Variants in PRSS23 observed in about 807,000 individuals in gnomAD.
PRSS23 encodes protease, serine 23.
PRSS23 carries 25 observed loss-of-function variants against 34.7 expected under a neutral mutation model. That is an observed-to-expected ratio of 0.72 (90% CI 0.53 to 1.01). The LOEUF (loss-of-function observed/expected upper bound fraction) is 1.01, where lower values mean the gene tolerates loss of function less well. Ranked by LOEUF, PRSS23 falls within the 50% of genes least tolerant of loss-of-function variation. PRSS23 has a pLI of 0.00. For synonymous variants in PRSS23, 176 were observed against 186.6 expected (o/e 0.94, Z 0.46); for missense variants, 445 against 475.6 (o/e 0.94, Z 0.60).
chr11:86,832,193 A>C (rs1195947339), intron 2 of PRSS23, among the ~76,000 whole-genome samples: 1 of 152,066 alleles, frequency 6.6e-6, no homozygotes, highest in Non-Finnish European at 1.5e-5. Context: ...TATCGTAGGG[A>C]GATATAATTC....
intron 2 of PRSS23, among the ~76,000 whole-genome samples, chr11:86,865,645 G>A (rs1948644928): frequency 6.6e-6 from 1 of 152,158 alleles, no homozygotes; most frequent in Non-Finnish European, 1.5e-5. Context: ...GCAGGTTTAT[G>A]CTCATCCACT....
At chr11:86,952,719 A>T (rs1949305448) in exon 3 of PRSS23, 1 of 413,942 alleles carries the variant, frequency 2.4e-6, no homozygotes, top group Non-Finnish European at 4.4e-6. Flanking sequence ...AATAAATAAA[A>T]TAAATAGGGT....
At chr11:86,868,089 G>A (rs1948662540) in intron 2 of PRSS23, among the ~76,000 whole-genome samples, 2 of 152,098 alleles carry the variant, frequency 1.3e-5, no homozygotes, top group Non-Finnish European at 1.5e-5. Context: ...GAAGCCTAGG[G>A]GACATGGGAG....
chr11:86,853,942 T>C (rs1948549982), intron 2 of PRSS23, among the ~76,000 whole-genome samples: 1 of 152,182 alleles, frequency 6.6e-6, no homozygotes, highest in Admixed American at 6.5e-5. Flanking sequence ...TTGGTTTGAT[T>C]TGTACTTCCT....
chr11:86,808,077 T>C lies in PRSS23; in HGVS notation c.434T>C (p.Leu145Pro). ...SRFSIFGKDF[L>P]LNYPFSTSVK... ...TTCAGCATTTTTGGGAAGGACTTCCTGCTCAACTACCCTTTCTCAACATCA... is the reference window on the plus strand; with the variant it reads ...TTCAGCATTTTTGGGAAGGACTTCCCGCTCAACTACCCTTTCTCAACATCA... Residue 145 changes from leucine (L) to proline (P), a missense_variant, in exon 2 of 2, where the codon CTG becomes CCG. By Grantham distance (98) the Leu-to-Pro change is moderately conservative (BLOSUM62 -3). Transcript: ENST00000280258. 1 of 1,614,136 alleles carries C rather than the reference T, an allele frequency of 6.2e-7. No homozygotes were observed.
chr11:86,890,814 AC>A (rs1948836525), intron 2 of PRSS23, among the ~76,000 whole-genome samples: 1 of 152,184 alleles, frequency 6.6e-6, no homozygotes, highest in Admixed American at 6.5e-5. Flanking sequence ...TGTCCAGCCC[AC>A]CACCACTGGA....
chr11:86,872,399 C>T (rs184860390), intron 2 of PRSS23, among the ~76,000 whole-genome samples: 60 of 152,272 alleles, frequency 3.9e-4, no homozygotes, highest in Non-Finnish European at 6.9e-4. Context: ...AAGTTTCACA[C>T]CTATCCCACA....
At chr11:86,841,411 G>A (rs1366871963) in intron 2 of PRSS23, among the ~76,000 whole-genome samples, 1 of 148,798 alleles carries the variant, frequency 6.7e-6, no homozygotes, top group Non-Finnish European at 1.5e-5. Flanking sequence ...AAACTCAAAA[G>A]CTAGCAGAAG....
At chr11:86,907,511 G>C (rs1948951437) in intron 2 of PRSS23, among the ~76,000 whole-genome samples, 1 of 152,030 alleles carries the variant, frequency 6.6e-6, no homozygotes, top group South Asian at 2.1e-4. Flanking sequence ...CTGTCACCCA[G>C]GCTAGAGCAC....
At chr11:86,918,410 C>CAGAA (rs764641518) in intron 2 of PRSS23, among the ~76,000 whole-genome samples, 1 of 152,096 alleles carries the variant, frequency 6.6e-6, no homozygotes, top group Non-Finnish European at 1.5e-5. Flanking sequence ...TGTCTATGTA[C>CAGAA]AGAAAGAAAG....
At chr11:86,885,873 A>G (rs34194073) in intron 2 of PRSS23, among the ~76,000 whole-genome samples, 1 of 152,184 alleles carries the variant, frequency 6.6e-6, no homozygotes, top group Non-Finnish European at 1.5e-5. Flanking sequence ...TTTCATTTTA[A>G]AAGAAGAATT....
At chr11:86,831,657 C>G (rs1034136336) in intron 2 of PRSS23, among the ~76,000 whole-genome samples, 4 of 150,818 alleles carry the variant, frequency 2.7e-5, no homozygotes, top group African/African-American at 9.8e-5. Context: ...TCCTAATATT[C>G]TAGGGGATGT....
exon 3 of PRSS23, chr11:86,951,559 CAAATAAGT>C: frequency 6.2e-7 from 1 of 1,614,064 alleles, no homozygotes; most frequent in Non-Finnish European, 8.5e-7. Flanking sequence ...TTCCAATGAC[CAAATAAGT>C]AAAGAGGGGA....
At chr11:86,858,572 C>T (rs1033525489) in intron 2 of PRSS23, among the ~76,000 whole-genome samples, 3 of 151,658 alleles carry the variant, frequency 2.0e-5, no homozygotes, top group Admixed American at 1.3e-4. Context: ...AACAGGTGTA[C>T]AACTCCCTAT....
chr11:86,906,130 A>G (rs904873379), intron 2 of PRSS23, among the ~76,000 whole-genome samples: 1 of 152,122 alleles, frequency 6.6e-6, no homozygotes, highest in Non-Finnish European at 1.5e-5. Context: ...ATTGCCTTGC[A>G]GGAAGGGCCA....
chr11:86,793,456 T>A (rs181064508), intron 1 of PRSS23, among the ~76,000 whole-genome samples: 1 of 152,322 alleles, frequency 6.6e-6, no homozygotes, highest in East Asian at 1.9e-4. Context: ...TCATAAATCA[T>A]GGACAAATGG....
chr11:86,890,827 T>A (rs72959670), intron 2 of PRSS23, among the ~76,000 whole-genome samples: 5,649 of 152,336 alleles, frequency 0.037, 131 homozygotes, highest in Non-Finnish European at 0.054. Context: ...ACCACTGGAC[T>A]TTCTCTTCTG....
chr11:86,833,528 C>A, intron 2 of PRSS23: 1 of 262,324 alleles, frequency 3.8e-6, no homozygotes, highest in Non-Finnish European at 7.4e-6. Context: ...AGACAGAGCT[C>A]CCATACAAAG....
intron 2 of PRSS23, among the ~76,000 whole-genome samples, chr11:86,858,394 A>G (rs975412915): frequency 4.6e-5 from 7 of 151,844 alleles, no homozygotes; most frequent in African/African-American, 1.5e-4. Flanking sequence ...AGAGGATGTT[A>G]TTACTCCCAA....
Sources: allele counts gnomAD v4.1 joint callset (sites outside exome capture counted in the v4.1 genomes callset), GRCh38; gene constraint gnomAD v4.1.1; transcripts MANE v1.5; gene names NCBI Gene and HGNC (gene_info 2026-07-23, HGNC 2026-07-21).